Variants in DUOXA2 observed in about 807,000 individuals in gnomAD.
DUOXA2 encodes dual oxidase maturation factor 2.
Under a neutral mutation model 27.6 loss-of-function variants are expected in DUOXA2, and 22 were observed. The ratio of observed to expected loss-of-function variants is 0.80; its 90% CI spans 0.57 to 1.14. DUOXA2 has a LOEUF of 1.14. Among genes scored for constraint, DUOXA2 ranks in the 50% most tolerant of loss-of-function variants. The pLI is 0.00. For synonymous variants in DUOXA2, 188 were observed against 184.4 expected, an observed-to-expected ratio of 1.02 and a Z score of -0.16; for missense variants, 481 against 419.9, an observed-to-expected ratio of 1.15 and a Z score of -1.27.
rs1894547258 is a variant in DUOXA2, at chr15:45,114,399, ACT to A, written c.-204_-203del. The A allele has an allele frequency of 4.7e-6, 3 of 633,062 alleles. No homozygotes were observed. Among genetic ancestry groups the A allele is most frequent in the Non-Finnish European group, 8.2e-6 (3 of 366,454 alleles). 39.2% of individuals were successfully genotyped at this position (633,062 alleles called of 1,614,324 possible). On this transcript the variant is annotated 5_prime_UTR_variant, in exon 1 of 6. Transcript: ENST00000323030. The stretch of plus-strand genomic sequence containing the variant: ...ATAGTTTCGCTCGCCGGCTAGAAAA[ACT>A]CTGTCGGTACCAACCCCAGAGCGTT...
Position 45,117,278 on chromosome 15 carries a change from G to GTGA in DUOXA2, c.742_743insTGA (p.Ala248delinsValThr). On this transcript the variant is annotated protein_altering_variant, in exon 5 of 6. Transcript: ENST00000323030. ...CTCCGCGCTCACCACTCAGTACGGC[G>GTGA]CCGCCTTCTGGGTCACGCTGGCAAC... 6.2e-7 allele frequency: 1 copy of GTGA among 1,602,010 alleles called. No homozygotes were observed. Among genetic ancestry groups the GTGA allele is most frequent in the South Asian group, 1.1e-5 (1 of 90,120 alleles).
At chr15:45,114,843 G>C in intron 1 of DUOXA2, 91 bp downstream of exon 1, 1 of 1,583,476 alleles carries the variant, frequency 6.3e-7, no homozygotes, top group Non-Finnish European at 8.7e-7. Flanking sequence ...GACTGTACAA[G>C]AGCCTCCATG....
At position 45,117,202 on chromosome 15, in the gene DUOXA2, C is replaced by T. The variant is rs1193221361; in HGVS notation, c.666C>T (p.Phe222=). ...GAGCCTTCGCGCTCTTCGGGGTCTTCGCCTTGGCCTCCATCTCTAGCGTGC... is the reference window on the plus strand; with the variant it reads ...GAGCCTTCGCGCTCTTCGGGGTCTTTGCCTTGGCCTCCATCTCTAGCGTGC... The part of the protein sequence containing the change: ...TTGAFALFGV[F]ALASISSVPL... The change falls in exon 5 of 6, where the codon TTC becomes TTT. Residue 222 remains phenylalanine, a synonymous_variant. Coordinates refer to ENST00000323030, the MANE Select transcript of DUOXA2 (RefSeq NM_207581.4). 3 of 1,608,798 alleles carry T rather than the reference C, an allele frequency of 1.9e-6. No homozygotes were observed. Among genetic ancestry groups the T allele is most frequent in the African/African-American group, 1.3e-5 (1 of 74,942 alleles).
At position 45,117,825 on chromosome 15, in the gene DUOXA2, AG is replaced by A; in HGVS notation, c.884del (p.Gly295AlafsTer19). ...GCGCCAAGGACTGCAGCCAGGAGAG[AG>A]GGGGCTCACCTCTTATCCTCGGCGA... is the stretch of plus-strand genomic sequence containing the variant. ...QSAKDCSQER[G>X]GSPLILGDPL... On this transcript the variant is annotated frameshift_variant, in exon 6 of 6. Coordinates refer to ENST00000323030, the MANE Select transcript of DUOXA2 (RefSeq NM_207581.4). LOFTEE classifies it low-confidence loss of function (END_TRUNC). 4 of 1,613,840 alleles carry A rather than the reference AG, an allele frequency of 2.5e-6. No individual in the cohort carries two copies. Among genetic ancestry groups the A allele is most frequent in the Non-Finnish European group, 3.4e-6 (4 of 1,180,008 alleles).
chr15:45,116,446 CCTGT>C, intron 3 of DUOXA2, 66 bp from the exon 4 acceptor site: 2 of 1,592,010 alleles, frequency 1.3e-6, no homozygotes, highest in Non-Finnish European at 1.7e-6. Context: ...CCCCCACTTT[CCTGT>C]CTGAATCCGC....
At position 45,116,178 on chromosome 15, in the gene DUOXA2, A is replaced by G; in HGVS notation, c.260A>G (p.Tyr87Cys). The change falls in exon 3 of 6, where the codon TAC (tyrosine) becomes TGC (cysteine). Residue 87 changes from tyrosine to cysteine, a missense_variant. By Grantham distance (194) the Tyr-to-Cys change is radical. Coordinates refer to ENST00000323030, the MANE Select transcript of DUOXA2 (RefSeq NM_207581.4). ...FVGTVNTNTS[Y>C]KAFSAARVTA... The stretch of plus-strand genomic sequence containing the variant: ...GGTACAGTGAACACCAACACATCCT[A>G]CAAAGCCTTCAGCGCAGCGCGCGTT... 1 of 1,613,926 alleles carries G rather than the reference A, an allele frequency of 6.2e-7. No individual in the cohort carries two copies. Among genetic ancestry groups the G allele is most frequent in the Non-Finnish European group, 8.5e-7 (1 of 1,180,010 alleles).
In DUOXA2 at chr15:45,117,180, C is replaced by A. The variant is rs1266595426; in HGVS notation, c.644C>A (p.Ala215Asp). The change falls in exon 5 of 6, where the codon GCC becomes GAC. Residue 215 changes from alanine to aspartate, a missense_variant. Coordinates refer to ENST00000323030, the MANE Select transcript of DUOXA2 (RefSeq NM_207581.4). ...GGCCTGGCACTGCTGACCACCGGAG[C>A]CTTCGCGCTCTTCGGGGTCTTCGCC... ...YGGLALLTTG[A>D]FALFGVFALA... The A allele has an allele frequency of 2.5e-6, 4 of 1,606,180 alleles. No homozygotes were observed. Among genetic ancestry groups the A allele is most frequent in the East Asian group, 2.2e-5 (1 of 44,846 alleles).
intron 3 of DUOXA2, 35 bp downstream of exon 3, chr15:45,116,293 T>C (rs781214135): frequency 5.0e-6 from 8 of 1,611,446 alleles, no homozygotes; most frequent in Non-Finnish European, 6.8e-6. Context: ...CTCCTGGAGC[T>C]GGGAGATCCC....
In DUOXA2 at chr15:45,118,421, C is replaced by T. The variant is rs918431061; in HGVS notation, c.*512C>T. The T allele has an allele frequency of 7.7e-6, 8 of 1,033,224 alleles. No homozygotes were observed. The Admixed American group carries it at 4.2e-4, about 54-fold the overall frequency. 64.0% of individuals were successfully genotyped at this position (1,033,224 alleles called of 1,614,324 possible). A position where few individuals can be genotyped will look rare whatever the true frequency, so the allele number is the denominator to read the frequency against. On this transcript the variant is annotated 3_prime_UTR_variant, in exon 6 of 6. Transcript: ENST00000323030. Reference sequence around the variant, plus strand: ...GGAATAGCGTTTTGGAGTTGATTCCCTAACTTCCCACCTGGCTTCTTGTGA... The same window carrying T: ...GGAATAGCGTTTTGGAGTTGATTCCTTAACTTCCCACCTGGCTTCTTGTGA...
Position 45,116,251 on chromosome 15 carries a change from A to T in DUOXA2, c.333A>T (p.Thr111=), listed in dbSNP as rs753405807. The change falls in exon 3 of 6, where the codon ACA becomes ACT. Residue 111 remains threonine (T), a synonymous_variant. Coordinates refer to ENST00000323030, the MANE Select transcript of DUOXA2 (RefSeq NM_207581.4). ...LLVGLEGINI[T]LTGTPVHQLN... Reference sequence around the variant, plus strand: ...TGGGCCTGGAGGGCATTAATATTACACTCACAGGTGAGGGGGCTGGGGCTA... The same window carrying T: ...TGGGCCTGGAGGGCATTAATATTACTCTCACAGGTGAGGGGGCTGGGGCTA... 6.2e-7 allele frequency: 1 copy of T among 1,613,498 alleles called. No homozygotes were observed. Among genetic ancestry groups the T allele is most frequent in the Non-Finnish European group, 8.5e-7 (1 of 1,179,842 alleles).
At position 45,116,639 on chromosome 15, in the gene DUOXA2, T is replaced by A; in HGVS notation, c.464T>A (p.Leu155His). ...GAGAAGGGGCTGCCGGACCCAGTGC[T>A]CTACCTGGCGGAGAAGTTCACACCG... ...ALEKGLPDPV[L>H]YLAEKFTPSS... The change falls in exon 4 of 6, where the codon CTC (leucine) becomes CAC (histidine). Residue 155 changes from leucine to histidine, a missense_variant. Leu to His is a moderately conservative substitution (Grantham distance 99, BLOSUM62 -3). Coordinates refer to ENST00000323030, the MANE Select transcript of DUOXA2 (RefSeq NM_207581.4). The A allele has an allele frequency of 6.2e-7, 1 of 1,613,894 alleles. No individual in the cohort carries two copies. The highest frequency in any genetic ancestry group is 8.5e-7 in the Non-Finnish European group (1 of 1,180,046).
At position 45,114,527 on chromosome 15, in the gene DUOXA2, C is replaced by T; in HGVS notation, c.-79C>T. ...CTTGTACGCAAAGAGACGCCAAGGACGCGCTCTCCCGCGTCCAGGCAGCCC... is the reference window on the plus strand; with the variant it reads ...CTTGTACGCAAAGAGACGCCAAGGATGCGCTCTCCCGCGTCCAGGCAGCCC... On this transcript the variant is annotated 5_prime_UTR_variant, in exon 1 of 6. The change creates a new upstream start codon in the 5' untranslated region. Coordinates refer to ENST00000323030, the MANE Select transcript of DUOXA2 (RefSeq NM_207581.4). 6.3e-7 allele frequency: 1 copy of T among 1,587,478 alleles called. No homozygotes were observed. The highest frequency in any genetic ancestry group is 8.6e-7 in the Non-Finnish European group (1 of 1,167,484).
intron 1 of DUOXA2, among the ~76,000 whole-genome samples, chr15:45,115,177 C>T (rs1213321867): frequency 6.6e-6 from 1 of 152,242 alleles, no homozygotes; most frequent in Non-Finnish European, 1.5e-5. Flanking sequence ...GGTTGAGACA[C>T]ATGTGTATGG....
intron 5 of DUOXA2, 111 bp downstream of exon 5, chr15:45,117,416 C>G: frequency 6.6e-7 from 1 of 1,516,438 alleles, no homozygotes; most frequent in Non-Finnish European, 8.9e-7. Context: ...CTATTTGCCC[C>G]TCTCAATAGT....
At chr15:45,116,919 G>T in intron 4 of DUOXA2, 172 bp from the exon 5 acceptor site, 2 of 1,052,240 alleles carry the variant, frequency 1.9e-6, no homozygotes, top group Non-Finnish European at 1.4e-6. Flanking sequence ...AGAGACTCCA[G>T]CCACCGCCTG....
At chr15:45,114,874 G>C in intron 1 of DUOXA2, 122 bp downstream of exon 1, 1 of 1,458,300 alleles carries the variant, frequency 6.9e-7, no homozygotes, top group Admixed American at 1.7e-5. Context: ...TTGAGGCTCA[G>C]GTGGAGTGAA....
At position 45,116,562 on chromosome 15, in the gene DUOXA2, G is replaced by A; in HGVS notation, c.387G>A (p.Gln129=). The A allele has an allele frequency of 1.2e-6, 2 of 1,614,048 alleles. No individual in the cohort carries two copies. Among genetic ancestry groups the A allele is most frequent in the Non-Finnish European group, 1.7e-6 (2 of 1,180,048 alleles). ...ACGAGACCATTGACTACAACGAGCAGTTCACCTGGCGTCTGAAAGAGAATT... is the reference window on the plus strand; with the variant it reads ...ACGAGACCATTGACTACAACGAGCAATTCACCTGGCGTCTGAAAGAGAATT... ...QLNETIDYNE[Q]FTWRLKENYA... The change falls in exon 4 of 6, where the codon CAG becomes CAA. Residue 129 remains glutamine, a synonymous_variant. Coordinates refer to ENST00000323030, the MANE Select transcript of DUOXA2 (RefSeq NM_207581.4).
Position 45,118,085 on chromosome 15 carries a change from T to G in DUOXA2, c.*176T>G. ...CTGGGGCGATCTGTAAATAAACCTTTTTTTCTTTTGTTTTTTAAAAACTGT... is the reference window on the plus strand; with the variant it reads ...CTGGGGCGATCTGTAAATAAACCTTGTTTTCTTTTGTTTTTTAAAAACTGT... On this transcript the variant is annotated 3_prime_UTR_variant, in exon 6 of 6. Coordinates refer to ENST00000323030, the MANE Select transcript of DUOXA2 (RefSeq NM_207581.4). The G allele has an allele frequency of 6.6e-7, 1 of 1,522,386 alleles. No homozygotes were observed. 94.3% of individuals were successfully genotyped at this position (1,522,386 alleles called of 1,614,324 possible).
At position 45,118,230 on chromosome 15, in the gene DUOXA2, G is replaced by T; in HGVS notation, c.*321G>T. On this transcript the variant is annotated 3_prime_UTR_variant, in exon 6 of 6. Coordinates refer to ENST00000323030, the MANE Select transcript of DUOXA2 (RefSeq NM_207581.4). ...GCTGTGAAACCTGATTCTCTGCGTC[G>T]ACTCCAGAGTAATAGGGGCGCCCTC... The T allele has an allele frequency of 1.4e-6, 2 of 1,411,376 alleles. No homozygotes were observed. Among genetic ancestry groups the T allele is most frequent in the Admixed American group, 3.2e-5 (1 of 31,664 alleles). 87.4% of individuals were successfully genotyped at this position (1,411,376 alleles called of 1,614,324 possible).
Sources: allele counts gnomAD v4.1 joint callset (sites outside exome capture counted in the v4.1 genomes callset), GRCh38; gene constraint gnomAD v4.1.1; transcripts MANE v1.5; gene names NCBI Gene and HGNC (gene_info 2026-07-23, HGNC 2026-07-21).